The following BLVRA variants were observed in gnomAD, a reference collection of about 807,000 sequenced individuals.
BLVRA encodes BVR A.
Under a neutral mutation model 32.8 loss-of-function variants are expected in BLVRA, and 22 were observed. That is an observed-to-expected ratio of 0.67 (90% confidence interval 0.48 to 0.96). The LOEUF is 0.96. Ranked by LOEUF, BLVRA falls within the 40% of genes least tolerant of loss-of-function variation. BLVRA has a pLI of 0.00. For synonymous variants in BLVRA, 119 were observed against 141.3 expected (o/e 0.84, Z 1.12); for missense variants, 323 against 358.1 (o/e 0.90, Z 0.79).
At chr7:43,773,157 C>CT (rs1370432316) in intron 2 of BLVRA, among the ~76,000 whole-genome samples, 2 of 151,888 alleles carry the variant, frequency 1.3e-5, no homozygotes, top group African/African-American at 4.8e-5. Context: ...TATTATTATA[C>CT]TTTAAGTTTT....
At position 43,807,131 on chromosome 7, in the gene BLVRA, T is replaced by C; in HGVS notation, c.787T>C (p.Leu263=). 6.2e-7 allele frequency: 1 copy of C among 1,614,140 alleles called. No homozygotes were observed. The stretch of plus-strand genomic sequence containing the variant: ...TCAAAATATATTTGTCCAGAAACTC[T>C]TGGGCCAGTTCTCTGAGAAGGAACT... ...KDQNIFVQKL[L]GQFSEKELAA... is the part of the protein sequence containing the mutation. The change falls in exon 8 of 8, where the codon TTG becomes CTG. Residue 263 remains leucine (L), a synonymous_variant. Transcript: ENST00000265523.
At chr7:43,769,620 T>G (rs563675983) in intron 1 of BLVRA, among the ~76,000 whole-genome samples, 1 of 151,452 alleles carries the variant, frequency 6.6e-6, no homozygotes, top group Non-Finnish European at 1.5e-5. Context: ...TTTTTTTTTT[T>G]CTTTGAGACA....
chr7:43,774,410 G>C (rs2095758197), intron 2 of BLVRA, among the ~76,000 whole-genome samples: 2 of 151,846 alleles, frequency 1.3e-5, no homozygotes, highest in Non-Finnish European at 1.5e-5. Flanking sequence ...TTTCCCCATT[G>C]CTTGTTTTTG....
intron 6 of BLVRA, among the ~76,000 whole-genome samples, chr7:43,800,854 G>A (rs971714853): frequency 1.2e-4 from 18 of 152,148 alleles, no homozygotes; most frequent in Admixed American, 9.8e-4. Context: ...AGGATGAGAG[G>A]TGCTTGGAGA....
chr7:43,763,180 C>T (rs953363625), intron 1 of BLVRA, among the ~76,000 whole-genome samples: 4 of 152,130 alleles, frequency 2.6e-5, no homozygotes, highest in Non-Finnish European at 5.9e-5. Flanking sequence ...ACCATCCCCT[C>T]TCTGGTTTGA....
At chr7:43,799,759 C>T (rs2095796680) in intron 5 of BLVRA, among the ~76,000 whole-genome samples, 1 of 152,042 alleles carries the variant, frequency 6.6e-6, no homozygotes, top group Non-Finnish European at 1.5e-5. Context: ...TAGGCATGAG[C>T]CACCAAGCCT....
At chr7:43,767,008 T>C (rs2095748958) in intron 1 of BLVRA, among the ~76,000 whole-genome samples, 3 of 152,052 alleles carry the variant, frequency 2.0e-5, no homozygotes, top group South Asian at 4.2e-4. Context: ...CCCTGAAAAA[T>C]AAACAAATAA....
At chr7:43,760,214 G>A (rs1189895408) in intron 1 of BLVRA, 1 of 151,854 alleles carries the variant, frequency 6.6e-6, no homozygotes, top group African/African-American at 2.4e-5. Context: ...TGTACCCCCT[G>A]CCTATCCAGT....
chr7:43,796,121 C>CAAA (rs371922009), intron 5 of BLVRA, among the ~76,000 whole-genome samples: 2 of 66,620 alleles, frequency 3.0e-5, no homozygotes, highest in African/African-American at 1.2e-4. Context: ...CTCTGTCTCA[C>CAAA]AAAAAAAAAA....
chr7:43,803,834 A>T lies in BLVRA; in HGVS notation c.619A>T (p.Thr207Ser), dbSNP rs763723325. Residue 207 changes from threonine (T) to serine (S), a missense_variant, in exon 7 of 8, where the codon ACA becomes TCA. Thr to Ser is a moderately conservative substitution (Grantham distance 58, BLOSUM62 1). Coordinates refer to ENST00000265523, the MANE Select transcript of BLVRA (RefSeq NM_000712.4). Reference protein sequence around the residue: ...QYMKMTVCLETEKKSPLSWIE... With the variant: ...QYMKMTVCLESEKKSPLSWIE... Reference sequence around the variant, plus strand: ...TATGAAAATGACAGTGTGTCTGGAGACAGAGAAGAAAAGGTAAGTCATGAG... The same window carrying T: ...TATGAAAATGACAGTGTGTCTGGAGTCAGAGAAGAAAAGGTAAGTCATGAG... 1 of 1,614,060 alleles carries T rather than the reference A, an allele frequency of 6.2e-7. No homozygotes were observed. The highest frequency in any genetic ancestry group is 1.1e-5 in the South Asian group (1 of 91,088).
intron 1 of BLVRA, chr7:43,767,415 C>T (rs768281870): frequency 9.3e-5 from 148 of 1,592,070 alleles, no homozygotes; most frequent in South Asian, 1.5e-4. Flanking sequence ...CTGTTCCTAT[C>T]GGGTTATTTA....
At chr7:43,785,920 AAAATGG>A (rs2132571585) in intron 2 of BLVRA, among the ~76,000 whole-genome samples, 1 of 152,358 alleles carries the variant, frequency 6.6e-6, no homozygotes, top group African/African-American at 2.4e-5. Flanking sequence ...CAAATGGGAT[AAAATGG>A]AATCATAATA....
intron 1 of BLVRA, among the ~76,000 whole-genome samples, chr7:43,769,516 T>C (rs933865024): frequency 2.6e-5 from 4 of 152,062 alleles, no homozygotes; most frequent in African/African-American, 7.3e-5. Flanking sequence ...TCATGTGTGC[T>C]GGCCAGGTTG....
intron 1 of BLVRA, chr7:43,767,158 T>C (rs1287933435): frequency 1.8e-5 from 9 of 503,938 alleles, no homozygotes; most frequent in Non-Finnish European, 2.5e-5. Flanking sequence ...CCCCAGATTA[T>C]GTAGGAAAAC....
chr7:43,783,401 C>G (rs1425518407), intron 2 of BLVRA, among the ~76,000 whole-genome samples: 1 of 152,176 alleles, frequency 6.6e-6, no homozygotes, highest in Non-Finnish European at 1.5e-5. Flanking sequence ...GCACACAGTG[C>G]ACACTAGGCT....
chr7:43,778,698 CGTTTAAG>C (rs1230995712), intron 2 of BLVRA, among the ~76,000 whole-genome samples: 1 of 152,250 alleles, frequency 6.6e-6, no homozygotes, highest in Non-Finnish European at 1.5e-5. Context: ...CAGACAGGAA[CGTTTAAG>C]TCTGCAGAGG....
Position 43,800,521 on chromosome 7 carries a change from A to G in BLVRA, c.409A>G (p.Lys137Glu). The G allele has an allele frequency of 6.2e-7, 1 of 1,614,028 alleles. No homozygotes were observed. The highest frequency in any genetic ancestry group is 8.5e-7 in the Non-Finnish European group (1 of 1,179,894). ...ELLMEEFAFL[K>E]KEVVGKDLLK... Reference sequence around the variant, plus strand: ...CTTGATGGAGGAATTCGCTTTCCTGAAAAAAGAAGTGGTGGGGAAAGACCT... The same window carrying G: ...CTTGATGGAGGAATTCGCTTTCCTGGAAAAAGAAGTGGTGGGGAAAGACCT... The change falls in exon 6 of 8, where the codon AAA becomes GAA. Residue 137 changes from lysine to glutamate, a missense_variant. By Grantham distance (56) the Lys-to-Glu change is moderately conservative (BLOSUM62 1). Transcript: ENST00000265523.
At chr7:43,772,839 G>A (rs765127422) in intron 2 of BLVRA, among the ~76,000 whole-genome samples, 3 of 152,142 alleles carry the variant, frequency 2.0e-5, no homozygotes, top group Non-Finnish European at 4.4e-5. Context: ...CCTCCACCTG[G>A]CTCCTCCCTT....
chr7:43,775,067 C>A (rs2095759194), intron 2 of BLVRA, among the ~76,000 whole-genome samples: 2 of 152,072 alleles, frequency 1.3e-5, no homozygotes, highest in Admixed American at 1.3e-4. Flanking sequence ...TCTAGATATA[C>A]AATCATGTCA....
Sources: gnomAD v4.1 joint callset for allele counts (sites outside exome capture counted in the v4.1 genomes callset) on GRCh38, gnomAD v4.1.1 for gene constraint, MANE v1.5 for transcripts, NCBI Gene and HGNC (gene_info 2026-07-23, HGNC 2026-07-21) for gene names.